Variants in MMP16 observed in about 807,000 individuals in gnomAD.
MMP16 encodes the protein matrix metalloproteinase-16.
In MMP16, 12 loss-of-function variants were observed where a neutral mutation model predicts 67.8. The observed-to-expected ratio is 0.18, with a 90% CI of 0.11 to 0.29. The LOEUF is 0.29. MMP16 is among the 10% of genes least tolerant of loss of function. The probability of loss-of-function intolerance (pLI) is 1.00; values close to 1 mark genes in which losing one functional copy is unlikely to be tolerated. For synonymous variants in MMP16, 249 were observed against 255.9 expected, an observed-to-expected ratio of 0.97 and a Z score of 0.26; for missense variants, 475 against 765.7, an observed-to-expected ratio of 0.62 and a Z score of 4.48.
rs965540451 is a variant in MMP16 at position 88,153,645 on chromosome 8, G to A, written c.709+14024C>T. Among the ~76,000 whole-genome samples the A allele has an allele frequency of 2.1e-3, 317 of 150,632 alleles. 1 individual carries two copies. Among genetic ancestry groups the A allele is most frequent in the African/African-American group, 7.3e-3 (301 of 40,996 alleles). On this transcript the variant is annotated intron_variant, in intron 4 of 9. Transcript: ENST00000286614. ...ATTCCCTATTTAATAAATGGTGCTG[G>A]GAAAACTGGCTAGCCATATGTAGAA...
rs1809310741 is a variant in MMP16, at chr8:88,110,210, A to G, written c.1083+6297T>C. 2.0e-5 allele frequency among the ~76,000 whole-genome samples: 3 copies of G among 151,572 alleles called. No individual in the cohort carries two copies. In the South Asian group the frequency reaches 6.2e-4, roughly 31 times the overall value. ...CAAAGTGACTGAGAAGAAAATTGGA[A>G]ACTCAGGTAACTGAGTCCATTCTTA... is the stretch of plus-strand genomic sequence containing the variant. On this transcript the variant is annotated intron_variant, in intron 6 of 9. Coordinates refer to ENST00000286614, the MANE Select transcript of MMP16 (RefSeq NM_005941.5).
At chr8:88,165,003 A>G (rs894082863) in intron 4 of MMP16, among the ~76,000 whole-genome samples, 1 of 151,802 alleles carries the variant, frequency 6.6e-6, no homozygotes, top group Non-Finnish European at 1.5e-5. Flanking sequence ...CTCTTGTCAT[A>G]AAATCTCCCT....
At chr8:88,122,404 T>C (rs1008923414) in intron 4 of MMP16, among the ~76,000 whole-genome samples, 5 of 152,054 alleles carry the variant, frequency 3.3e-5, no homozygotes, top group African/African-American at 1.2e-4. Context: ...CATCTGTGTA[T>C]ACTTGGCCTT....
chr8:88,233,934 A>G (rs552383132), intron 1 of MMP16, among the ~76,000 whole-genome samples: 1 of 152,348 alleles, frequency 6.6e-6, no homozygotes, highest in African/African-American at 2.4e-5. Flanking sequence ...TTTCACAATG[A>G]TAATTCTATT....
chr8:88,240,476 G>A (rs1347157874), intron 1 of MMP16, among the ~76,000 whole-genome samples: 1 of 152,180 alleles, frequency 6.6e-6, no homozygotes, highest in African/African-American at 2.4e-5. Context: ...GATGAAGGTA[G>A]AAAAGCAGGT....
intron 3 of MMP16, among the ~76,000 whole-genome samples, chr8:88,170,694 T>C (rs1808786274): frequency 6.6e-6 from 1 of 152,106 alleles, no homozygotes; most frequent in Admixed American, 6.6e-5. Flanking sequence ...GAGGAGATGA[T>C]AAACAGGAGT....
chr8:88,116,245 A>G (rs1485444659), intron 6 of MMP16, among the ~76,000 whole-genome samples: 1 of 152,094 alleles, frequency 6.6e-6, no homozygotes, highest in African/African-American at 2.4e-5. Flanking sequence ...TCTCTTCATA[A>G]CATGCAGCAT....
chr8:88,221,089 G>T (rs746997134), intron 1 of MMP16, among the ~76,000 whole-genome samples: 1 of 151,952 alleles, frequency 6.6e-6, no homozygotes, highest in African/African-American at 2.4e-5. Flanking sequence ...ACCAGCCATG[G>T]TAGAGCTGGG....
At chr8:88,281,172 A>G (rs1034894943) in intron 1 of MMP16, among the ~76,000 whole-genome samples, 1 of 152,232 alleles carries the variant, frequency 6.6e-6, no homozygotes, top group African/African-American at 2.4e-5. Context: ...ATTAAAAACC[A>G]TATCTTGTAA....
rs116088003 is a variant in MMP16, at chr8:88,256,102, T to C, written c.133-58796A>G. ...TTTTCAGCTTTTTTTCTAGGCAGTA[T>C]TTTTAACCCATTTATTCTTCTTTCA... On this transcript the variant is annotated intron_variant, in intron 1 of 9. Transcript: ENST00000286614. 8.1e-3 allele frequency among the ~76,000 whole-genome samples: 1,228 copies of C among 152,292 alleles called. 15 individuals carry two copies. Among genetic ancestry groups the C allele is most frequent in the African/African-American group, 0.027 (1,122 of 41,564 alleles).
At position 88,326,923 on chromosome 8, in the gene MMP16, C is replaced by A. The variant is rs867991349; in HGVS notation, c.132+152G>T. ...TCACACGCATCCGTCACCTAAAACA[C>A]CCTTAAACTGAACCAGGGTCTCCAC... On this transcript the variant is annotated intron_variant, in intron 1 of 9. Transcript: ENST00000286614. 5 of 933,814 alleles carry A rather than the reference C, an allele frequency of 5.4e-6. 1 individual carries two copies. The Admixed American group carries it at 7.2e-5, about 13-fold the overall frequency. The allele number at this position is 933,814 out of a possible 1,614,324, so 57.8% of individuals were successfully genotyped here. A position where few individuals can be genotyped will look rare whatever the true frequency, so the allele number is the denominator to read the frequency against.
intron 6 of MMP16, among the ~76,000 whole-genome samples, chr8:88,103,614 A>G (rs1192299461): frequency 6.6e-6 from 1 of 151,742 alleles, no homozygotes; most frequent in African/African-American, 2.4e-5. Context: ...TTTCCTTGAG[A>G]TCTGTTTTGT....
At chr8:88,280,795 GGAC>G (rs1810721258) in intron 1 of MMP16, among the ~76,000 whole-genome samples, 1 of 152,042 alleles carries the variant, frequency 6.6e-6, no homozygotes, top group Non-Finnish European at 1.5e-5. Flanking sequence ...TGAGACAGGA[GGAC>G]TGCTTGAGCT....
chr8:88,046,792 G>A lies in MMP16; in HGVS notation c.1374-8C>T. 6.5e-7 allele frequency: 1 copy of A among 1,543,994 alleles called. No homozygotes were observed. Among genetic ancestry groups the A allele is most frequent in the Middle Eastern group, 1.7e-4 (1 of 5,832 alleles). On this transcript the variant is annotated splice_region_variant and splice_polypyrimidine_tract_variant and intron_variant, in intron 8 of 9. Coordinates refer to ENST00000286614, the MANE Select transcript of MMP16 (RefSeq NM_005941.5). Reference sequence around the variant, plus strand: ...TCACTATATCTCCAATATCTACAAAGGATAAAAACAACAACAACAAACACA... The same window carrying A: ...TCACTATATCTCCAATATCTACAAAAGATAAAAACAACAACAACAAACACA...
chr8:88,138,408 A>G (rs552997713), intron 4 of MMP16, among the ~76,000 whole-genome samples: 19 of 152,154 alleles, frequency 1.2e-4, no homozygotes, highest in African/African-American at 2.9e-4. Flanking sequence ...CCATGAGCCA[A>G]CTGAAGACTA....
intron 1 of MMP16, among the ~76,000 whole-genome samples, chr8:88,207,731 T>A (rs1480723626): frequency 6.6e-6 from 1 of 151,078 alleles, no homozygotes; most frequent in Non-Finnish European, 1.5e-5. Context: ...GATAAGGAAA[T>A]CCATGAGGTG....
At chr8:88,097,029 T>G (rs1586149397) in intron 6 of MMP16, among the ~76,000 whole-genome samples, 2 of 151,894 alleles carry the variant, frequency 1.3e-5, no homozygotes, top group South Asian at 4.1e-4. Flanking sequence ...ACTGTAGGTT[T>G]TAGTTCTACC....
intron 1 of MMP16, among the ~76,000 whole-genome samples, chr8:88,256,497 T>A (rs1273565774): frequency 6.6e-6 from 1 of 152,154 alleles, no homozygotes; most frequent in African/African-American, 2.4e-5. Flanking sequence ...CTCTTTCCCA[T>A]CTCAGAAGAA....
Position 88,160,613 on chromosome 8 carries a change from C to T in MMP16, c.709+7056G>A, listed in dbSNP as rs190796052. Among the ~76,000 whole-genome samples the T allele has an allele frequency of 4.1e-4, 63 of 152,110 alleles. No homozygotes were observed. The East Asian group carries it at 0.012, about 28-fold the overall frequency. On this transcript the variant is annotated intron_variant, in intron 4 of 9. Transcript: ENST00000286614. ...ACCTCGCACCAGTTAGAATGGCAAT[C>T]ATTAAAAAGTCAGGAAACAACAGGT...
Sources: gnomAD v4.1 joint callset for allele counts (sites outside exome capture counted in the v4.1 genomes callset) on GRCh38, gnomAD v4.1.1 for gene constraint, MANE v1.5 for transcripts, NCBI Gene and HGNC (gene_info 2026-07-23, HGNC 2026-07-21) for gene names.